The following FBXL13 variants were observed in gnomAD, a reference collection of about 807,000 sequenced individuals.
The protein encoded by FBXL13 is F-box and leucine rich repeat protein 13, also known as F-box and leucine-rich repeat protein 13.
A neutral mutation model predicts 83.6 loss-of-function variants in FBXL13; 67 were observed. The observed-to-expected ratio is 0.80, with a 90% confidence interval of 0.66 to 0.98. The LOEUF (loss-of-function observed/expected upper bound fraction) is 0.98, where lower values mean the gene tolerates loss of function less well. Ranked by LOEUF, FBXL13 falls within the 50% of genes least tolerant of loss-of-function variation. The pLI is 0.00. For synonymous variants in FBXL13, 272 were observed against 299.5 expected, an observed-to-expected ratio of 0.91 and a Z score of 0.95; for missense variants, 822 against 866.5, an observed-to-expected ratio of 0.95 and a Z score of 0.64.
intron 6 of FBXL13, among the ~76,000 whole-genome samples, chr7:103,017,553 C>T (rs536778016): frequency 2.0e-5 from 3 of 152,106 alleles, no homozygotes; most frequent in Non-Finnish European, 2.9e-5. Context: ...TCGAACCCAT[C>T]GTAAAGACGC....
chr7:103,026,695 T>A (rs919954359), intron 5 of FBXL13, among the ~76,000 whole-genome samples: 1 of 152,192 alleles, frequency 6.6e-6, no homozygotes, highest in Non-Finnish European at 1.5e-5. Flanking sequence ...TCATACTCTT[T>A]TGCTGCGTGT....
intron 18 of FBXL13, among the ~76,000 whole-genome samples, chr7:102,825,619 C>T (rs545952828): frequency 1.3e-5 from 2 of 152,322 alleles, no homozygotes; most frequent in East Asian, 3.9e-4. Flanking sequence ...CGAATTTTCA[C>T]ATTGCTTCAC....
At chr7:102,990,123 C>T (rs1212118758) in intron 6 of FBXL13, among the ~76,000 whole-genome samples, 1 of 152,184 alleles carries the variant, frequency 6.6e-6, no homozygotes, top group Non-Finnish European at 1.5e-5. Context: ...GATTCCAAAG[C>T]AATGCCGACA....
intron 6 of FBXL13, among the ~76,000 whole-genome samples, chr7:102,980,811 CAA>C (rs905139115): frequency 3.3e-5 from 5 of 151,506 alleles, no homozygotes; most frequent in African/African-American, 1.2e-4. Context: ...AAACTCTTAT[CAA>C]AAAAATAGGG....
chr7:103,024,833 G>GTATATATATA (rs1232363692), intron 6 of FBXL13, among the ~76,000 whole-genome samples: 5 of 95,986 alleles, frequency 5.2e-5, no homozygotes, highest in African/African-American at 2.3e-4. Flanking sequence ...ATATATATGT[G>GTATATATATA]TATATATATA....
rs563288634 is a variant in FBXL13 at position 103,014,881 on chromosome 7, G to A, written c.495+10182C>T. ...GGAGCCTGCAGTGAGCCGAGATCAC[G>A]CCACTGCACTCCAGCCTGGGCGACA... is the stretch of plus-strand genomic sequence containing the variant. On this transcript the variant is annotated intron_variant, in intron 6 of 19. Coordinates refer to ENST00000313221, the Ensembl canonical transcript of FBXL13. Among the ~76,000 whole-genome samples the A allele has an allele frequency of 1.8e-4, 23 of 128,038 alleles. No individual in the cohort carries two copies. The South Asian group carries it at 2.2e-3, about 12-fold the overall frequency. The allele number at this position is 128,038 out of a possible 152,430, so 84.0% of individuals were successfully genotyped here.
intron 9 of FBXL13, among the ~76,000 whole-genome samples, chr7:102,931,520 A>C (rs1334778822): frequency 6.6e-6 from 1 of 152,234 alleles, no homozygotes; most frequent in Non-Finnish European, 1.5e-5. Context: ...AAACATATTC[A>C]TTTCCATCTT....
intron 6 of FBXL13, among the ~76,000 whole-genome samples, chr7:102,992,636 A>C (rs896815802): frequency 2.0e-4 from 30 of 152,180 alleles, no homozygotes; most frequent in African/African-American, 7.0e-4. Flanking sequence ...ATGGGGTCTC[A>C]CTCTGTCACC....
intron 6 of FBXL13, among the ~76,000 whole-genome samples, chr7:103,009,141 AG>A (rs1206565919): frequency 6.6e-6 from 1 of 152,210 alleles, no homozygotes; most frequent in East Asian, 1.9e-4. Flanking sequence ...GAGTGTAGGA[AG>A]GAGTGTGATA....
chr7:102,822,678 C>G (rs143100672), intron 18 of FBXL13, among the ~76,000 whole-genome samples: 1 of 152,176 alleles, frequency 6.6e-6, no homozygotes, highest in Non-Finnish European at 1.5e-5. Flanking sequence ...TCTCTTTCAC[C>G]CAGCTTGTCA....
At chr7:102,959,532 T>C (rs1290826230) in intron 8 of FBXL13, among the ~76,000 whole-genome samples, 1 of 152,078 alleles carries the variant, frequency 6.6e-6, no homozygotes, top group Non-Finnish European at 1.5e-5. Context: ...TTATATATAA[T>C]ATATAGCTCT....
rs58307950 is a variant in FBXL13, at chr7:102,826,724, CATATATAT to C, written c.1855-4529_1855-4522del. Among the ~76,000 whole-genome samples the C allele has an allele frequency of 1.8e-3, 112 of 62,702 alleles. 3 individuals carry two copies. Among genetic ancestry groups the C allele is most frequent in the South Asian group, 2.4e-3 (6 of 2,502 alleles). 41.1% of individuals were successfully genotyped at this position (62,702 alleles called of 152,430 possible). ...TGGGAGACAGAGTGAGACCCTGTCT[CATATATAT>C]ATATATATATATATATATATATATA... On this transcript the variant is annotated intron_variant, in intron 18 of 19. Coordinates refer to ENST00000313221, the Ensembl canonical transcript of FBXL13.
At chr7:102,976,617 C>G (rs1395408281) in intron 6 of FBXL13, among the ~76,000 whole-genome samples, 1 of 152,034 alleles carries the variant, frequency 6.6e-6, no homozygotes, top group Non-Finnish European at 1.5e-5. Flanking sequence ...GGGGTAATTC[C>G]ACACCCTCAG....
At chr7:102,843,001 A>AT (rs1803234831) in intron 17 of FBXL13, among the ~76,000 whole-genome samples, 1 of 152,220 alleles carries the variant, frequency 6.6e-6, no homozygotes, top group Non-Finnish European at 1.5e-5. Context: ...CCAGTCCCTT[A>AT]TGCCGAATCC....
rs375234980 is a variant in FBXL13, at chr7:102,963,004, TATA to T, written c.724+526_724+528del. On this transcript the variant is annotated intron_variant, in intron 8 of 19. Coordinates refer to ENST00000313221, the Ensembl canonical transcript of FBXL13. ...TAATAAAAATATATATATATATATA[TATA>T]AAAAAAAAAAAAAGAATAGACCAAG... Among the ~76,000 whole-genome samples the T allele has an allele frequency of 4.3e-3, 539 of 126,606 alleles. 1 individual carries two copies. Among genetic ancestry groups the T allele is most frequent in the East Asian group, 9.9e-3 (34 of 3,434 alleles). 83.1% of individuals were successfully genotyped at this position (126,606 alleles called of 152,430 possible).
intron 6 of FBXL13, among the ~76,000 whole-genome samples, chr7:103,018,982 A>G (rs1385783850): frequency 6.6e-6 from 1 of 152,208 alleles, no homozygotes; most frequent in Non-Finnish European, 1.5e-5. Flanking sequence ...CCTAATACAC[A>G]TCTACAGAAC....
At chr7:102,980,098 T>C (rs1432100324) in intron 6 of FBXL13, among the ~76,000 whole-genome samples, 2 of 152,220 alleles carry the variant, frequency 1.3e-5, no homozygotes, top group African/African-American at 4.8e-5. Context: ...AGGCTTTTTT[T>C]GCAAAAATGA....
intron 11 of FBXL13, among the ~76,000 whole-genome samples, chr7:102,893,942 G>A (rs1349020850): frequency 2.6e-5 from 3 of 116,366 alleles, no homozygotes; most frequent in East Asian, 5.4e-4. Flanking sequence ...CAGAGAAAGA[G>A]AAAGAAAGAA....
At chr7:102,887,029 T>G (rs1810890565) in intron 11 of FBXL13, among the ~76,000 whole-genome samples, 1 of 152,220 alleles carries the variant, frequency 6.6e-6, no homozygotes, top group Admixed American at 6.5e-5. Context: ...GGGAAATATG[T>G]TTCTAAAGCC....
Sources: allele counts gnomAD v4.1 joint callset (sites outside exome capture counted in the v4.1 genomes callset), GRCh38; gene constraint gnomAD v4.1.1; transcripts MANE v1.5; gene names NCBI Gene and HGNC (gene_info 2026-07-23, HGNC 2026-07-21).